Variants in TEP1 observed in about 807,000 individuals in gnomAD.
TEP1 encodes the protein telomerase protein component 1.
In TEP1, 241 loss-of-function variants were observed where a neutral mutation model predicts 306.3. The ratio of observed to expected loss-of-function variants is 0.79; its 90% CI spans 0.71 to 0.88. TEP1 has a LOEUF of 0.88. Among genes scored for constraint, TEP1 ranks in the 40% least tolerant of loss-of-function variants. The pLI is 0.00. For synonymous variants in TEP1, 1,289 were observed against 1,305.5 expected, an observed-to-expected ratio of 0.99 and a Z score of 0.27; for missense variants, 3,051 against 3,276.1, an observed-to-expected ratio of 0.93 and a Z score of 1.68.
chr14:20,374,400 C>T (rs756662338), intron 44 of TEP1, 29 bp downstream of exon 44: 3 of 1,567,016 alleles, frequency 1.9e-6, no homozygotes, highest in African/African-American at 2.7e-5. Flanking sequence ...TCCAGAGACC[C>T]CCCAGTGGGA....
intron 1 of TEP1, among the ~76,000 whole-genome samples, chr14:20,411,521 T>C (rs993898648): frequency 1.8e-4 from 28 of 152,158 alleles, no homozygotes; most frequent in African/African-American, 6.8e-4. Context: ...ACAACACCCA[T>C]ATGTCCCCTA....
chr14:20,369,198 TG>T, intron 53 of TEP1, 145 bp downstream of exon 53: 1 of 806,208 alleles, frequency 1.2e-6, no homozygotes, highest in Non-Finnish European at 2.0e-6. Flanking sequence ...TTAGTAGAGA[TG>T]GGGTTTCACC....
rs564036189 is a variant in TEP1 at position 20,407,775 on chromosome 14, C to G, written c.567+98G>C. On this transcript the variant is annotated intron_variant, in intron 2 of 54. Coordinates refer to ENST00000262715, the MANE Select transcript of TEP1 (RefSeq NM_007110.5). Reference sequence around the variant, plus strand: ...GCTCTGAGGAGAGAAGATAGCCAGACACAGAGCAGCACAGAGGGAAACTGA... The same window carrying G: ...GCTCTGAGGAGAGAAGATAGCCAGAGACAGAGCAGCACAGAGGGAAACTGA... 3 of 1,126,092 alleles carry G rather than the reference C, an allele frequency of 2.7e-6. No homozygotes were observed. The South Asian group carries it at 4.5e-5, about 17-fold the overall frequency. The allele number at this position is 1,126,092 out of a possible 1,614,324, so 69.8% of individuals were successfully genotyped here. A position where few individuals can be genotyped will look rare whatever the true frequency, so the allele number is the denominator to read the frequency against.
intron 28 of TEP1, 83 bp from the exon 29 acceptor site, chr14:20,382,439 A>G (rs1876659263): frequency 5.1e-6 from 8 of 1,554,950 alleles, no homozygotes; most frequent in Non-Finnish European, 7.0e-6. Context: ...GGGCAGCAGG[A>G]GGACAGTGTG....
At chr14:20,399,981 A>G (rs541960893) in intron 9 of TEP1, among the ~76,000 whole-genome samples, 1 of 151,848 alleles carries the variant, frequency 6.6e-6, no homozygotes, top group African/African-American at 2.4e-5. Flanking sequence ...ATATGGTGAA[A>G]CGCCGTCTCT....
chr14:20,366,927 A>C lies in TEP1; in HGVS notation c.*1510T>G, dbSNP rs1884500225. 1 of 152,236 alleles carries C rather than the reference A, an allele frequency of 6.6e-6. No homozygotes were observed. The highest frequency in any genetic ancestry group is 1.5e-5 in the Non-Finnish European group (1 of 68,054). 9.4% of individuals were successfully genotyped at this position (152,236 alleles called of 1,614,324 possible). The stretch of plus-strand genomic sequence containing the variant: ...AAAAGCATGGGCCAAGGGCAGGAGG[A>C]AGCTCTAGTTGTCTGTCTCCCATGC... On this transcript the variant is annotated 3_prime_UTR_variant, in exon 55 of 55. Coordinates refer to ENST00000262715, the MANE Select transcript of TEP1 (RefSeq NM_007110.5).
At chr14:20,398,506 T>TAA (rs35081660) in intron 9 of TEP1, among the ~76,000 whole-genome samples, 180 of 144,730 alleles carry the variant, frequency 1.2e-3, no homozygotes, top group African/African-American at 4.3e-3. Flanking sequence ...AAACCAAAAT[T>TAA]AAAAAAAAAA....
At position 20,381,372 on chromosome 14, in the gene TEP1, C is replaced by T; in HGVS notation, c.4588G>A (p.Ala1530Thr). 6.2e-7 allele frequency: 1 copy of T among 1,614,174 alleles called. No individual in the cohort carries two copies. The highest frequency in any genetic ancestry group is 2.2e-5 in the East Asian group (1 of 44,890). ...GGGCAACTTCGGAAGGTGCCTGAGGCATCAGCGTCACATGTCTTCCAGAGC... is the reference window on the plus strand; with the variant it reads ...GGGCAACTTCGGAAGGTGCCTGAGGTATCAGCGTCACATGTCTTCCAGAGC... ...AQLWKTCDAD[A>T]SGTFRSCPPE... The change falls in exon 32 of 55, where the codon GCC becomes ACC. Residue 1530 changes from alanine to threonine, a missense_variant. Physicochemically the swap from Ala to Thr is moderately conservative, Grantham distance 58 (BLOSUM62 0). Around this residue, in one of 3 missense-constraint regions of TEP1, gnomAD observed 1,540 missense variants for 1,705.9 expected, o/e 0.90. Coordinates refer to ENST00000262715, the MANE Select transcript of TEP1 (RefSeq NM_007110.5). The surrounding 1 kb of genome is among the most constrained non-coding windows in gnomAD (Gnocchi z 4.0).
At chr14:20,394,543 G>A (rs560362598) in intron 12 of TEP1, among the ~76,000 whole-genome samples, 4 of 146,674 alleles carry the variant, frequency 2.7e-5, no homozygotes, top group South Asian at 2.2e-4. Context: ...GCAATGGCGC[G>A]ATCTCAGCTC....
intron 9 of TEP1, among the ~76,000 whole-genome samples, chr14:20,400,266 G>A (rs1418675936): frequency 6.6e-6 from 1 of 151,340 alleles, no homozygotes; most frequent in East Asian, 1.9e-4. Context: ...GGGGGCAGGT[G>A]TGTGTGTGTA....
At chr14:20,405,698 G>C in intron 3 of TEP1, 113 bp from the exon 4 acceptor site, 1 of 1,273,566 alleles carries the variant, frequency 7.9e-7, no homozygotes, top group Non-Finnish European at 1.1e-6. Flanking sequence ...CCCGAGATGT[G>C]GAGTCCAGTT....
At chr14:20,372,907 AC>A (rs1319081686) in intron 48 of TEP1, 50 bp from the exon 49 acceptor site, 1 of 1,613,382 alleles carries the variant, frequency 6.2e-7, no homozygotes, top group Non-Finnish European at 8.5e-7. Flanking sequence ...GCCAGGATGC[AC>A]CATCTTTTCC....
Position 20,391,773 on chromosome 14 carries a change from T to C in TEP1, c.1929-6A>G. On this transcript the variant is annotated splice_region_variant and splice_polypyrimidine_tract_variant and intron_variant, in intron 12 of 54. Coordinates refer to ENST00000262715, the MANE Select transcript of TEP1 (RefSeq NM_007110.5). The stretch of plus-strand genomic sequence containing the variant: ...CACCATCATATTTCCACTGTCTACA[T>C]GCAAGAAAGACACAGACACAGGGGC... 6.2e-7 allele frequency: 1 copy of C among 1,613,504 alleles called. No homozygotes were observed. Among genetic ancestry groups the C allele is most frequent in the East Asian group, 2.2e-5 (1 of 44,858 alleles).
At chr14:20,372,899 C>A in intron 48 of TEP1, 42 bp from the exon 49 acceptor site, 1 of 1,613,578 alleles carries the variant, frequency 6.2e-7, no homozygotes, top group Non-Finnish European at 8.5e-7. Context: ...TCTGATGAGC[C>A]AGGATGCACC....
At chr14:20,393,635 T>C (rs985230400) in intron 12 of TEP1, among the ~76,000 whole-genome samples, 3 of 152,024 alleles carry the variant, frequency 2.0e-5, no homozygotes, top group Non-Finnish European at 4.4e-5. Flanking sequence ...CTACTAAAAA[T>C]ACAAAAATTA....
In TEP1 at chr14:20,383,141, C is replaced by T. The variant is rs543386164; in HGVS notation, c.4047+33G>A. On this transcript the variant is annotated intron_variant, in intron 27 of 54. Transcript: ENST00000262715. ...GTCCTCATAGCTCCCAGATTCACCC[C>T]ACACACCCACCGGCCCCGGCCTAGA... 1.2e-5 allele frequency: 18 copies of T among 1,554,216 alleles called. No homozygotes were observed. In the South Asian group the frequency reaches 2.2e-4, roughly 19 times the overall value.
Position 20,407,890 on chromosome 14 carries a change from C to G in TEP1, c.550G>C (p.Ala184Pro), listed in dbSNP as rs148069631. The change falls in exon 2 of 55, where the codon GCT (alanine) becomes CCT (proline). Residue 184 changes from alanine to proline, a missense_variant. By Grantham distance (27) the Ala-to-Pro change is conservative (BLOSUM62 -1). This residue lies in a region of TEP1 where 1,507 missense variants were observed against 1,550.5 expected (regional missense o/e 0.97). Coordinates refer to ENST00000262715, the MANE Select transcript of TEP1 (RefSeq NM_007110.5). ...GCTATTACCAAAGTTGCTTCCTGAG[C>G]TGTCTCTGTGGCAGAGATGGATTTC... ...ALKSISATET[A>P]QEATLGRWFD... 6.3e-7 allele frequency: 1 copy of G among 1,596,940 alleles called. No individual in the cohort carries two copies. The highest frequency in any genetic ancestry group is 1.4e-5 in the African/African-American group (1 of 74,070).
intron 9 of TEP1, among the ~76,000 whole-genome samples, chr14:20,397,762 T>G (rs1309731184): frequency 6.8e-6 from 1 of 147,762 alleles, no homozygotes; most frequent in Non-Finnish European, 1.5e-5. Flanking sequence ...GTTTCTTTTC[T>G]TTTTTTTTTG....
chr14:20,376,273 G>C lies in TEP1; in HGVS notation c.6089-9C>G. On this transcript the variant is annotated splice_polypyrimidine_tract_variant and intron_variant, in intron 41 of 54. Coordinates refer to ENST00000262715, the MANE Select transcript of TEP1 (RefSeq NM_007110.5). The stretch of plus-strand genomic sequence containing the variant: ...CTGCACTGTGAAATCCTCTGCATTG[G>C]AAAAAGAGAGAGGGAACAGCTTCCT... 1 of 1,605,506 alleles carries C rather than the reference G, an allele frequency of 6.2e-7. No individual in the cohort carries two copies. Among genetic ancestry groups the C allele is most frequent in the Non-Finnish European group, 8.5e-7 (1 of 1,176,376 alleles).
Sources: allele counts gnomAD v4.1 joint callset (sites outside exome capture counted in the v4.1 genomes callset), GRCh38; gene constraint gnomAD v4.1.1; regional missense constraint gnomAD v4.1.1; non-coding constraint Gnocchi (gnomAD v3.1); transcripts MANE v1.5; gene names NCBI Gene and HGNC (gene_info 2026-07-23, HGNC 2026-07-21).